The following STPG2 variants were observed in gnomAD, a reference collection of about 807,000 sequenced individuals.
STPG2 encodes the protein sperm-tail PG-rich repeat-containing protein 2.
A neutral mutation model predicts 54.2 loss-of-function variants in STPG2; 56 were observed. The ratio of observed to expected loss-of-function variants is 1.03; its 90% CI spans 0.83 to 1.29. The LOEUF is 1.29. STPG2 is among the 50% of genes most tolerant of loss of function. The probability of loss-of-function intolerance (pLI) is 0.00; values close to 1 mark genes in which losing one functional copy is unlikely to be tolerated. For synonymous variants in STPG2, 200 were observed against 181.8 expected (o/e 1.10, Z -0.81); for missense variants, 596 against 544.9 (o/e 1.09, Z -0.93).
chr4:97,854,789 G>T (rs550952650), intron 8 of STPG2, among the ~76,000 whole-genome samples: 1 of 152,060 alleles, frequency 6.6e-6, no homozygotes, highest in African/African-American at 2.4e-5. Flanking sequence ...GCATGTGCAG[G>T]TTTGTTACAT....
intron 5 of STPG2, among the ~76,000 whole-genome samples, chr4:98,035,312 A>C (rs556814326): frequency 1.3e-5 from 2 of 152,366 alleles, no homozygotes; most frequent in African/African-American, 4.8e-5. Context: ...ACTTCTCAAA[A>C]GAAGACATTT....
intron 10 of STPG2, among the ~76,000 whole-genome samples, chr4:97,567,741 T>C (rs1316098846): frequency 6.6e-6 from 1 of 151,954 alleles, no homozygotes; most frequent in Admixed American, 6.6e-5. Context: ...ACAAAAGATA[T>C]ATTGTATATT....
At chr4:97,590,446 C>T (rs1055394446) in intron 10 of STPG2, among the ~76,000 whole-genome samples, 2 of 151,978 alleles carry the variant, frequency 1.3e-5, no homozygotes, top group African/African-American at 4.8e-5. Flanking sequence ...TGTAGGACAA[C>T]TGAAGCATGA....
rs186021733 is a variant in STPG2, at chr4:97,881,651, C to G, written c.1045-40719G>C. On this transcript the variant is annotated intron_variant, in intron 8 of 10. Transcript: ENST00000295268. ...CAAATTGTATGGTTTAAAAGACTGG[C>G]TTTATCAGAGAAGATTTAGACTAAA... Among the ~76,000 whole-genome samples, 34 of 152,200 alleles carry G rather than the reference C, an allele frequency of 2.2e-4. No homozygotes were observed. In the East Asian group the frequency reaches 6.4e-3, roughly 29 times the overall value.
intron 9 of STPG2, among the ~76,000 whole-genome samples, chr4:97,713,208 T>C (rs1460450232): frequency 6.6e-6 from 1 of 152,202 alleles, no homozygotes; most frequent in East Asian, 1.9e-4. Context: ...GGTGCTTTAA[T>C]AGCATTCTGG....
intron 4 of STPG2, among the ~76,000 whole-genome samples, chr4:97,452,120 A>AC (rs70953067): frequency 4.0e-3 from 77 of 19,450 alleles, no homozygotes; most frequent in East Asian, 0.027. Context: ...CCCCGCCCCC[A>AC]CCCCCCCCCC....
intron 5 of STPG2, among the ~76,000 whole-genome samples, chr4:97,993,266 C>T (rs997564532): frequency 6.6e-5 from 10 of 152,048 alleles, no homozygotes; most frequent in African/African-American, 2.2e-4. Context: ...CCTTCTATGC[C>T]GATTTTGCTG....
At chr4:97,760,222 C>T (rs1002482317) in intron 9 of STPG2, among the ~76,000 whole-genome samples, 1 of 152,152 alleles carries the variant, frequency 6.6e-6, no homozygotes, top group Non-Finnish European at 1.5e-5. Flanking sequence ...GTTCAGATTT[C>T]CCCACTGGAC....
chr4:97,977,074 C>T (rs1229723903), intron 6 of STPG2, among the ~76,000 whole-genome samples: 1 of 152,102 alleles, frequency 6.6e-6, no homozygotes, highest in Admixed American at 6.6e-5. Flanking sequence ...ATAGATTGAC[C>T]TTTTCTTTAT....
intron 8 of STPG2, among the ~76,000 whole-genome samples, chr4:97,879,078 G>T (rs1397640056): frequency 6.6e-6 from 1 of 152,150 alleles, no homozygotes; most frequent in African/African-American, 2.4e-5. Flanking sequence ...CTTTACTCCA[G>T]TTCCCAACAA....
intron 9 of STPG2, among the ~76,000 whole-genome samples, chr4:97,804,850 A>C (rs1205568392): frequency 6.6e-6 from 1 of 152,080 alleles, no homozygotes; most frequent in East Asian, 1.9e-4. Context: ...AATACTTGCC[A>C]TTGTGTCACA....
At chr4:98,080,742 C>A (rs1738320004) in intron 5 of STPG2, among the ~76,000 whole-genome samples, 1 of 152,116 alleles carries the variant, frequency 6.6e-6, no homozygotes, top group Admixed American at 6.6e-5. Flanking sequence ...GCCTTTAAGC[C>A]ATAATGCCCA....
intron 9 of STPG2, among the ~76,000 whole-genome samples, chr4:97,776,032 G>C (rs1726363921): frequency 6.6e-6 from 1 of 152,100 alleles, no homozygotes; most frequent in African/African-American, 2.4e-5. Flanking sequence ...AAAGTGCTGG[G>C]ATTACATGCA....
intron 9 of STPG2, among the ~76,000 whole-genome samples, chr4:97,728,927 G>C (rs1724706205): frequency 6.6e-6 from 1 of 151,936 alleles, no homozygotes; most frequent in Non-Finnish European, 1.5e-5. Context: ...GAGAAAGAGA[G>C]AGAGAGAAAG....
rs1002130103 is a variant in STPG2, at chr4:97,802,254, C to T, written c.1204+38519G>A. On this transcript the variant is annotated intron_variant, in intron 9 of 10. Transcript: ENST00000295268. ...GAATGATGTGGTTTCACCTCAGATT[C>T]ATCTCTGCATATCTAAATTACTTTC... Among the ~76,000 whole-genome samples the T allele has an allele frequency of 3.9e-5, 6 of 152,138 alleles. 1 individual carries two copies. Among genetic ancestry groups the T allele is most frequent in the South Asian group, 4.1e-4 (2 of 4,822 alleles).
At chr4:97,599,429 A>G (rs1224464070) in intron 10 of STPG2, among the ~76,000 whole-genome samples, 1 of 152,222 alleles carries the variant, frequency 6.6e-6, no homozygotes, top group East Asian at 1.9e-4. Context: ...TCATTCTACC[A>G]TAAAGACATA....
chr4:97,629,940 T>C lies in STPG2; in HGVS notation c.1321-70823A>G, dbSNP rs113601987. Among the ~76,000 whole-genome samples, 873 of 152,076 alleles carry C rather than the reference T, an allele frequency of 5.7e-3. 6 individuals carry two copies. The highest frequency in any genetic ancestry group is 0.031 in the Middle Eastern group (9 of 294). On this transcript the variant is annotated intron_variant, in intron 10 of 10. Coordinates refer to ENST00000295268, the MANE Select transcript of STPG2 (RefSeq NM_174952.3). Reference sequence around the variant, plus strand: ...TGAAACTGATATGCCCATTATTCCATAGACAATATCAAACTGTTAATCAGA... The same window carrying C: ...TGAAACTGATATGCCCATTATTCCACAGACAATATCAAACTGTTAATCAGA...
chr4:97,653,114 G>GATA (rs77259350), intron 10 of STPG2, among the ~76,000 whole-genome samples: 37,725 of 125,350 alleles, frequency 0.3, 5,008 homozygotes, highest in African/African-American at 0.37. Flanking sequence ...TAGATAGATA[G>GATA]GTAGATAGAT....
chr4:97,794,650 T>C (rs1298532521), intron 9 of STPG2, among the ~76,000 whole-genome samples: 12 of 152,132 alleles, frequency 7.9e-5, no homozygotes, highest in Admixed American at 1.3e-4. Flanking sequence ...CAGCATTGTC[T>C]AGCTGCACTT....
Sources: gnomAD v4.1 joint callset for allele counts (sites outside exome capture counted in the v4.1 genomes callset) on GRCh38, gnomAD v4.1.1 for gene constraint, MANE v1.5 for transcripts, NCBI Gene and HGNC (gene_info 2026-07-23, HGNC 2026-07-21) for gene names.